Variants in MYOCD observed in about 807,000 individuals in gnomAD.
MYOCD encodes myocardin.
MYOCD carries 32 observed loss-of-function variants against 96.1 expected under a neutral mutation model. The ratio of observed to expected loss-of-function variants is 0.33; its 90% confidence interval spans 0.25 to 0.45. MYOCD has a LOEUF of 0.45. MYOCD is among the 20% of genes least tolerant of loss of function. The probability of loss-of-function intolerance (pLI) is 1.00; values close to 1 mark genes in which losing one functional copy is unlikely to be tolerated. For missense variants in MYOCD, 1,133 were observed against 1,200.6 expected (o/e 0.94, Z 0.83); for synonymous variants, 469 against 469.0 (o/e 1.00, Z 0.00).
Position 12,752,766 on chromosome 17 carries a change from C to T in MYOCD, c.1478C>T (p.Thr493Met), listed in dbSNP as rs774155323. The T allele has an allele frequency of 1.6e-5, 26 of 1,613,948 alleles. No homozygotes were observed. Among genetic ancestry groups the T allele is most frequent in the East Asian group, 6.7e-5 (3 of 44,880 alleles). ...CACCCGTCCCCAGTCCACGTGTGCA[C>T]GGAGGAAAGTCTCATGAGCAGCCTG... ...GLHPSPVHVC[T>M]EESLMSSLNG... The change falls in exon 10 of 14, where the codon ACG becomes ATG. Residue 493 changes from threonine to methionine, a missense_variant. By Grantham distance (81) the Thr-to-Met change is moderately conservative (BLOSUM62 -1). Transcript: ENST00000425538.
chr17:12,740,468 A>G (rs1005867511), intron 7 of MYOCD, among the ~76,000 whole-genome samples: 1 of 152,234 alleles, frequency 6.6e-6, no homozygotes, highest in African/African-American at 2.4e-5. Flanking sequence ...AATGGCCTGC[A>G]GCTCCATCCA....
rs374500532 is a variant in MYOCD, at chr17:12,744,445, G to T, written c.971+9G>T. 1.3e-6 allele frequency: 2 copies of T among 1,596,554 alleles called. No individual in the cohort carries two copies. Among genetic ancestry groups the T allele is most frequent in the African/African-American group, 2.7e-5 (2 of 74,342 alleles). ...CACCAAGCTCAGCTTAAGTAAGTCC[G>T]GCAAGGCTGGGAGGGTGGCTGTGGG... On this transcript the variant is annotated intron_variant, in intron 8 of 13. Transcript: ENST00000425538.
chr17:12,671,485 G>A (rs1215712417), intron 1 of MYOCD, among the ~76,000 whole-genome samples: 1 of 152,194 alleles, frequency 6.6e-6, no homozygotes, highest in Non-Finnish European at 1.5e-5. Flanking sequence ...AGGTTAGGCA[G>A]TAGTTGTGTC....
chr17:12,762,963 G>GT, intron 13 of MYOCD, 110 bp from the exon 14 acceptor site: 2 of 835,716 alleles, frequency 2.4e-6, no homozygotes, highest in Admixed American at 4.9e-5. Flanking sequence ...GGTGGTGAGC[G>GT]GTGACCAGGG....
At chr17:12,760,965 C>T in intron 13 of MYOCD, 1 of 381,846 alleles carries the variant, frequency 2.6e-6, no homozygotes, top group Admixed American at 3.9e-5. Flanking sequence ...CAGCCTAATC[C>T]TTGTTTCCTT....
intron 5 of MYOCD, among the ~76,000 whole-genome samples, chr17:12,733,885 A>AAAAAAAAG (rs1567591071): frequency 2.1e-5 from 3 of 139,792 alleles, no homozygotes; most frequent in African/African-American, 2.7e-5. Flanking sequence ...AAAAAAGAAA[A>AAAAAAAAG]AAAGAAAGAA....
intron 1 of MYOCD, among the ~76,000 whole-genome samples, chr17:12,682,075 C>T (rs568723704): frequency 3.3e-4 from 50 of 152,280 alleles, no homozygotes; most frequent in African/African-American, 7.9e-4. Context: ...GCAAGACCGA[C>T]GCAGATAACC....
In MYOCD at chr17:12,682,533, G is replaced by A. The variant is rs369967283; in HGVS notation, c.55+16290G>A. ...GGGTAGGATTCAACAGAAAAGGGAAGGTAAAAGACTAAATTATAAACAGGT... is the reference window on the plus strand; with the variant it reads ...GGGTAGGATTCAACAGAAAAGGGAAAGTAAAAGACTAAATTATAAACAGGT... On this transcript the variant is annotated intron_variant, in intron 1 of 13. Coordinates refer to ENST00000425538, the MANE Select transcript of MYOCD (RefSeq NM_001146312.3). Among the ~76,000 whole-genome samples the A allele has an allele frequency of 2.3e-4, 35 of 152,320 alleles. No individual in the cohort carries two copies. In the South Asian group the frequency reaches 5.4e-3, roughly 23 times the overall value.
Position 12,749,842 on chromosome 17 carries a change from T to TTTTG in MYOCD, c.1126-2552_1126-2549dup, listed in dbSNP as rs200724950. Among the ~76,000 whole-genome samples, 92 of 151,680 alleles carry TTTTG rather than the reference T, an allele frequency of 6.1e-4. No individual in the cohort carries two copies. In the East Asian group the frequency reaches 0.014, roughly 23 times the overall value. On this transcript the variant is annotated intron_variant, in intron 9 of 13. Transcript: ENST00000425538. ...AAATATATTAATATTGTTTAAAGTT[T>TTTTG]TTTGTTTGTTTGTTTGTTTGTTTTT...
chr17:12,724,488 C>G (rs1740129875), intron 5 of MYOCD, among the ~76,000 whole-genome samples: 1 of 152,102 alleles, frequency 6.6e-6, no homozygotes, highest in Admixed American at 6.5e-5. Context: ...ATCTCACATC[C>G]TTTTACCAGT....
chr17:12,683,373 C>G (rs1485028703), intron 1 of MYOCD, among the ~76,000 whole-genome samples: 2 of 152,094 alleles, frequency 1.3e-5, no homozygotes, highest in Non-Finnish European at 2.9e-5. Context: ...TCACCGGCTT[C>G]CCCTCCTTTC....
intron 1 of MYOCD, among the ~76,000 whole-genome samples, chr17:12,691,176 C>T (rs1168675396): frequency 6.6e-6 from 1 of 152,162 alleles, no homozygotes; most frequent in Non-Finnish European, 1.5e-5. Flanking sequence ...TCCATTTCTA[C>T]TCTATCGTGA....
intron 1 of MYOCD, among the ~76,000 whole-genome samples, chr17:12,703,742 G>A (rs1208643619): frequency 1.3e-5 from 2 of 151,642 alleles, no homozygotes; most frequent in African/African-American, 4.8e-5. Context: ...AGTTCCTGAG[G>A]CTCTGCTCAT....
At chr17:12,695,156 A>G (rs2030684295) in intron 1 of MYOCD, among the ~76,000 whole-genome samples, 1 of 152,204 alleles carries the variant, frequency 6.6e-6, no homozygotes, top group South Asian at 2.1e-4. Context: ...TAAACTGGGT[A>G]ACTTATAAGC....
In MYOCD at chr17:12,752,916, A is replaced by G. The variant is rs772254215; in HGVS notation, c.1628A>G (p.Glu543Gly). 8 of 1,613,986 alleles carry G rather than the reference A, an allele frequency of 5.0e-6. No individual in the cohort carries two copies. The highest frequency in any genetic ancestry group is 6.8e-6 in the Non-Finnish European group (8 of 1,180,042). ...CTCCAGCAAGAGCAGAGGCAGGTGG[A>G]GGAGCTGAGGATGCAGCTTCAGAAG... ...WKLQQEQRQV[E>G]ELRMQLQKQK... The change falls in exon 10 of 14, where the codon GAG becomes GGG. Residue 543 changes from glutamate (E) to glycine (G), a missense_variant. Physicochemically the swap from Glu to Gly is moderately conservative, Grantham distance 98. Coordinates refer to ENST00000425538, the MANE Select transcript of MYOCD (RefSeq NM_001146312.3).
chr17:12,693,778 C>A (rs2030602819), intron 1 of MYOCD, among the ~76,000 whole-genome samples: 1 of 151,774 alleles, frequency 6.6e-6, no homozygotes, highest in Admixed American at 6.6e-5. Context: ...ATGAGGAAAT[C>A]AGAATCCAAA....
intron 1 of MYOCD, among the ~76,000 whole-genome samples, chr17:12,687,372 G>C (rs1483505770): frequency 6.6e-6 from 1 of 152,070 alleles, no homozygotes; most frequent in East Asian, 1.9e-4. Flanking sequence ...GTAAAATCTG[G>C]GGAGTTATTT....
Position 12,756,485 on chromosome 17 carries a change from T to C in MYOCD, c.2130T>C (p.Ser710=). 6 of 1,551,912 alleles carry C rather than the reference T, an allele frequency of 3.9e-6. No individual in the cohort carries two copies. Among genetic ancestry groups the C allele is most frequent in the Non-Finnish European group, 4.4e-6 (5 of 1,147,054 alleles). The change falls in exon 11 of 14, where the codon TCT becomes TCC. Residue 710 remains serine, a synonymous_variant. Coordinates refer to ENST00000425538, the MANE Select transcript of MYOCD (RefSeq NM_001146312.3). ...CTTCCAGCCTCCACCCGCCCTTCTC[T>C]GGAGCCCAAGCAGACAGCAGTCATG... ...PHSSSLHPPF[S]GAQADSSHGA...
intron 4 of MYOCD, among the ~76,000 whole-genome samples, chr17:12,719,275 G>C (rs558381882): frequency 6.7e-6 from 1 of 148,580 alleles, no homozygotes; most frequent in African/African-American, 2.5e-5. Flanking sequence ...AGTTACATGC[G>C]TTCCCATACA....
Sources: gnomAD v4.1 joint callset for allele counts (sites outside exome capture counted in the v4.1 genomes callset) on GRCh38, gnomAD v4.1.1 for gene constraint, MANE v1.5 for transcripts, NCBI Gene and HGNC (gene_info 2026-07-23, HGNC 2026-07-21) for gene names.